Variants in LRRFIP2 observed in about 807,000 individuals in gnomAD.
The protein encoded by LRRFIP2 is LRR binding FLII interacting protein 2, also known as leucine-rich repeat flightless-interacting protein 2.
LRRFIP2 carries 109 observed loss-of-function variants against 125.9 expected under a neutral mutation model. The ratio of observed to expected loss-of-function variants is 0.87; its 90% CI spans 0.74 to 1.01. The LOEUF is 1.01. Ranked by LOEUF, LRRFIP2 falls within the 50% of genes least tolerant of loss-of-function variation. LRRFIP2 has a pLI of 0.00. For missense variants in LRRFIP2, 850 were observed against 862.3 expected, an observed-to-expected ratio of 0.99 and a Z score of 0.18; for synonymous variants, 291 against 293.1, an observed-to-expected ratio of 0.99 and a Z score of 0.07.
At chr3:37,077,865 A>C (rs1431828453) in intron 19 of LRRFIP2, among the ~76,000 whole-genome samples, 1 of 152,228 alleles carries the variant, frequency 6.6e-6, no homozygotes, top group Non-Finnish European at 1.5e-5. Flanking sequence ...GATGAGCCTT[A>C]GGACATTATG....
chr3:37,137,016 A>G (rs2095575246), intron 2 of LRRFIP2, among the ~76,000 whole-genome samples: 1 of 150,282 alleles, frequency 6.7e-6, no homozygotes, highest in Admixed American at 6.6e-5. Context: ...CACCCAAGCT[A>G]GAGTGCAGTG....
At chr3:37,057,898 G>C (rs970150134) in intron 25 of LRRFIP2, among the ~76,000 whole-genome samples, 11 of 152,156 alleles carry the variant, frequency 7.2e-5, no homozygotes, top group African/African-American at 2.7e-4. Flanking sequence ...TTATTATGAG[G>C]TCAGAAGTAG....
intron 24 of LRRFIP2, among the ~76,000 whole-genome samples, chr3:37,059,560 G>A (rs1339831765): frequency 1.3e-5 from 2 of 152,092 alleles, no homozygotes; most frequent in African/African-American, 2.4e-5. Flanking sequence ...AAGCTGAGGC[G>A]GGCGGATCAC....
intron 4 of LRRFIP2, among the ~76,000 whole-genome samples, chr3:37,122,442 T>C (rs985312297): frequency 6.6e-6 from 1 of 152,308 alleles, no homozygotes; most frequent in Admixed American, 6.5e-5. Flanking sequence ...GCAAGTATAC[T>C]TAACAAAGAG....
intron 1 of LRRFIP2, among the ~76,000 whole-genome samples, chr3:37,166,666 T>C (rs568906989): frequency 1.3e-5 from 2 of 151,798 alleles, no homozygotes; most frequent in Non-Finnish European, 2.9e-5. Flanking sequence ...GAGACCAGCC[T>C]GGACGTTGCT....
intron 13 of LRRFIP2, 47 bp from the exon 14 acceptor site, chr3:37,105,570 GGTGTTACCTCATTATAA>G: frequency 1.4e-6 from 2 of 1,403,312 alleles, no homozygotes; most frequent in Non-Finnish European, 2.0e-6. Context: ...ATTTTGCTAT[GGTGTTACCTCATTATAA>G]GTACATTAAG....
chr3:37,054,337 C>G (rs1483506609), intron 27 of LRRFIP2, 74 bp downstream of exon 27: 14 of 1,241,408 alleles, frequency 1.1e-5, no homozygotes, highest in Non-Finnish European at 1.6e-5. Context: ...ATTTCTTACA[C>G]AGCTAAGAAT....
intron 9 of LRRFIP2, 133 bp from the exon 10 acceptor site, chr3:37,109,836 G>A: frequency 1.4e-6 from 1 of 712,898 alleles, no homozygotes; most frequent in Non-Finnish European, 2.4e-6. Flanking sequence ...AGTGCTTAAG[G>A]TAGTTAAGAA....
In LRRFIP2 at chr3:37,112,926, T is replaced by C. The variant is rs34902788; in HGVS notation, c.427A>G (p.Lys143Glu). 2.4e-3 allele frequency: 3,702 copies of C among 1,567,362 alleles called. 78 individuals are homozygous for C. In the African/African-American group the frequency reaches 0.043, roughly 18 times the overall value. The change falls in exon 8 of 28, where the codon AAA (lysine) becomes GAA (glutamate). Residue 143 changes from lysine to glutamate, a missense_variant. Lys to Glu is a moderately conservative substitution (Grantham distance 56, BLOSUM62 1). Transcript: ENST00000336686. ...GMKKRSSDSH[K>E]DLLSGLYFDQ... Reference sequence around the variant, plus strand: ...ACAACAGAACTAACCAGTAGGTCTTTATGAGAATCAGAAGACCTCTTCTTC... The same window carrying C: ...ACAACAGAACTAACCAGTAGGTCTTCATGAGAATCAGAAGACCTCTTCTTC...
intron 4 of LRRFIP2, among the ~76,000 whole-genome samples, chr3:37,127,223 G>A (rs1194191135): frequency 6.6e-6 from 1 of 151,960 alleles, no homozygotes; most frequent in South Asian, 2.1e-4. Flanking sequence ...AATTTAAAAA[G>A]GACCTGAAGG....
At position 37,121,689 on chromosome 3, in the gene LRRFIP2, T is replaced by C. The variant is rs146546095; in HGVS notation, c.231A>G (p.Glu77=). 23 of 1,613,924 alleles carry C rather than the reference T, an allele frequency of 1.4e-5. No homozygotes were observed. In the African/African-American group the frequency reaches 1.6e-4, roughly 11 times the overall value. ...RKWGQIQKWL[E]DSERARYSHR... ...GGGAATACCTGGCCCTTTCCGAATC[T>C]TCCTGGGAAAGGAGAAAGTACATGG... is the stretch of plus-strand genomic sequence containing the variant. The change falls in exon 5 of 28, where the codon GAA becomes GAG. Residue 77 remains glutamate, a splice_region_variant and synonymous_variant. Transcript: ENST00000336686.
chr3:37,168,056 C>T (rs998767378), intron 1 of LRRFIP2, among the ~76,000 whole-genome samples: 3 of 152,152 alleles, frequency 2.0e-5, no homozygotes, highest in Non-Finnish European at 2.9e-5. Flanking sequence ...AACCCTTGTG[C>T]ATTGCTGGTG....
chr3:37,164,857 G>A (rs781717768), intron 1 of LRRFIP2, among the ~76,000 whole-genome samples: 1 of 152,108 alleles, frequency 6.6e-6, no homozygotes, highest in Non-Finnish European at 1.5e-5. Flanking sequence ...ATGAATGTAG[G>A]TGGGTCCTGT....
intron 18 of LRRFIP2, among the ~76,000 whole-genome samples, chr3:37,087,673 C>G (rs1231445651): frequency 6.6e-6 from 1 of 152,058 alleles, no homozygotes. Context: ...ACTGCAACCT[C>G]AGCCTCCCGG....
upstream of LRRFIP2, chr3:37,174,900 C>T (rs374364285): frequency 9.2e-5 from 14 of 152,164 alleles, no homozygotes; most frequent in African/African-American, 3.1e-4. Context: ...ATGAATCACA[C>T]TTTCTGAAAT....
At chr3:37,108,191 T>C (rs1030616532) in intron 12 of LRRFIP2, 62 bp from the exon 13 acceptor site, 14 of 1,293,140 alleles carry the variant, frequency 1.1e-5, no homozygotes, top group Admixed American at 1.7e-5. Context: ...CTAATGAGAA[T>C]ACATTAGGGA....
intron 20 of LRRFIP2, 44 bp downstream of exon 20, chr3:37,074,980 C>T (rs2091819100): frequency 1.5e-6 from 2 of 1,324,724 alleles, no homozygotes; most frequent in Non-Finnish European, 1.1e-6. Context: ...CCATTCAACT[C>T]ATTTTTTTTC....
At chr3:37,068,248 A>G (rs2090512624) in intron 21 of LRRFIP2, 1 of 152,202 alleles carries the variant, frequency 6.6e-6, no homozygotes, top group African/African-American at 2.4e-5. Context: ...TAGTTATGTC[A>G]TGTATCACCA....
intron 4 of LRRFIP2, among the ~76,000 whole-genome samples, chr3:37,124,926 T>C (rs2095218327): frequency 6.6e-6 from 1 of 152,120 alleles, no homozygotes; most frequent in South Asian, 2.1e-4. Context: ...ACTGTGTTCT[T>C]AGGTGCCAGT....
Sources: gnomAD v4.1 joint callset for allele counts (sites outside exome capture counted in the v4.1 genomes callset) on GRCh38, gnomAD v4.1.1 for gene constraint, MANE v1.5 for transcripts, NCBI Gene and HGNC (gene_info 2026-07-23, HGNC 2026-07-21) for gene names.